The following CHRNA4 variants were observed in gnomAD, a reference collection of about 807,000 sequenced individuals.
The protein encoded by CHRNA4 is neuronal acetylcholine receptor subunit alpha-4.
In CHRNA4, 28 loss-of-function variants were observed where a neutral mutation model predicts 48.9. The ratio of observed to expected loss-of-function variants is 0.57; its 90% CI spans 0.42 to 0.79. The LOEUF (loss-of-function observed/expected upper bound fraction) is 0.79, where lower values mean the gene tolerates loss of function less well. Ranked by LOEUF, CHRNA4 falls within the 30% of genes least tolerant of loss-of-function variation. The pLI is 0.00. For synonymous variants in CHRNA4, 425 were observed against 402.3 expected, an observed-to-expected ratio of 1.06 and a Z score of -0.68; for missense variants, 859 against 898.4, an observed-to-expected ratio of 0.96 and a Z score of 0.56.
At chr20:63,360,709 C>G (rs891836421) in intron 1 of CHRNA4, among the ~76,000 whole-genome samples, 7 of 152,234 alleles carry the variant, frequency 4.6e-5, no homozygotes, top group Non-Finnish European at 1.0e-4. Context: ...CCCCTCTGAT[C>G]CCCTAAACCG....
chr20:63,356,027 T>C lies in CHRNA4; in HGVS notation c.331A>G (p.Ile111Val), dbSNP rs1329549592. The part of the protein sequence containing the change: ...DPADYENVTS[I>V]RIPSELIWRP... ...CAGATGAGCTCGGAGGGGATGCGGA[T>C]GGAGGTGACATTCTCATAGTCAGCT... The change falls in exon 4 of 6, where the codon ATC becomes GTC. Residue 111 changes from isoleucine to valine, a missense_variant. Physicochemically the swap from Ile to Val is conservative, Grantham distance 29. Coordinates refer to ENST00000370263, the MANE Select transcript of CHRNA4 (RefSeq NM_000744.7). 1 of 1,606,752 alleles carries C rather than the reference T, an allele frequency of 6.2e-7. No individual in the cohort carries two copies. The highest frequency in any genetic ancestry group is 8.5e-7 in the Non-Finnish European group (1 of 1,178,302).
At position 63,344,418 on chromosome 20, in the gene CHRNA4, T is replaced by TA; in HGVS notation, c.*2319dup. 2.2e-6 allele frequency: 1 copy of TA among 453,516 alleles called. No individual in the cohort carries two copies. The highest frequency in any genetic ancestry group is 4.4e-6 in the Non-Finnish European group (1 of 226,736). The allele number at this position is 453,516 out of a possible 1,614,324, so 28.1% of individuals were successfully genotyped here. A position where few individuals can be genotyped will look rare whatever the true frequency, so the allele number is the denominator to read the frequency against. ...TAATAAAAACAGCACTGGACGCAAA[T>TA]ACGCCAACATTGTTGTCAAGGTTAA... On this transcript the variant is annotated 3_prime_UTR_variant, in exon 6 of 6. Coordinates refer to ENST00000370263, the MANE Select transcript of CHRNA4 (RefSeq NM_000744.7). The surrounding 1 kb of genome is among the most constrained non-coding windows in gnomAD (Gnocchi z 4.5).
rs2229960 is a variant in CHRNA4 at position 63,350,184 on chromosome 20, A to G, written c.1227T>C (p.Cys409=). The change falls in exon 5 of 6, where the codon TGT becomes TGC. Residue 409 remains cysteine (C), a synonymous_variant. Transcript: ENST00000370263. ...QSLHPPSPSF[C]VPLDVPAEPG... The stretch of plus-strand genomic sequence containing the variant: ...GCTCAGCCGGCACATCCAGGGGGAC[A>G]CAGAAGGACGGTGAGGGCGGGTGCA... The G allele has an allele frequency of 0.94, 1,497,571 of 1,592,404 alleles. 707,657 individuals carry two copies. Among genetic ancestry groups the G allele is most frequent in the East Asian group, 1 (44,011 of 44,022 alleles).
At position 63,345,656 on chromosome 20, in the gene CHRNA4, G is replaced by A. The variant is rs2068479965; in HGVS notation, c.*1082C>T. 2.2e-6 allele frequency: 1 copy of A among 453,932 alleles called. No homozygotes were observed. Among genetic ancestry groups the A allele is most frequent in the South Asian group, 1.6e-5 (1 of 64,470 alleles). The allele number at this position is 453,932 out of a possible 1,614,324, so 28.1% of individuals were successfully genotyped here. A position where few individuals can be genotyped will look rare whatever the true frequency, so the allele number is the denominator to read the frequency against. On this transcript the variant is annotated 3_prime_UTR_variant, in exon 6 of 6. Transcript: ENST00000370263. The surrounding 1 kb of genome is among the most constrained non-coding windows in gnomAD (Gnocchi z 5.4). Reference sequence around the variant, plus strand: ...TCCCTGACTCCCATGAGGCTTCTCAGGGACTTCCTGCCCCGAGGGTCCCAG... The same window carrying A: ...TCCCTGACTCCCATGAGGCTTCTCAAGGACTTCCTGCCCCGAGGGTCCCAG...
In CHRNA4 at chr20:63,350,373, C is replaced by A; in HGVS notation, c.1038G>T (p.Arg346Ser). ...RTHTMPTWVR[R>S]VFLDIVPRLL... ...GGCGTGGCACGATGTCCAGGAAGAC[C>A]CTGCGTACCCAGGTGGGCATGGTGT... Residue 346 changes from arginine to serine, a missense_variant, in exon 5 of 6, where the codon AGG becomes AGT. Coordinates refer to ENST00000370263, the MANE Select transcript of CHRNA4 (RefSeq NM_000744.7). 1 of 1,613,752 alleles carries A rather than the reference C, an allele frequency of 6.2e-7. No individual in the cohort carries two copies. Among genetic ancestry groups the A allele is most frequent in the Non-Finnish European group, 8.5e-7 (1 of 1,180,026 alleles).
At chr20:63,359,072 G>T (rs1189214548) in intron 2 of CHRNA4, among the ~76,000 whole-genome samples, 2 of 151,662 alleles carry the variant, frequency 1.3e-5, no homozygotes, top group African/African-American at 4.8e-5. Flanking sequence ...AACAGACTTC[G>T]CCCAAGACTC....
At chr20:63,353,990 G>GTCTGTGGTCCTGGGGGT (rs1353305990) in intron 4 of CHRNA4, among the ~76,000 whole-genome samples, 1 of 69,372 alleles carries the variant, frequency 1.4e-5, no homozygotes, top group Non-Finnish European at 3.0e-5. Flanking sequence ...GTCCTGGGGG[G>GTCTGTGGTCCTGGGGGT]CTGTGGTCCT....
In CHRNA4 at chr20:63,350,856, G is replaced by T; in HGVS notation, c.555C>A (p.Asp185Glu). 6.2e-7 allele frequency: 1 copy of T among 1,614,034 alleles called. No individual in the cohort carries two copies. Among genetic ancestry groups the T allele is most frequent in the Non-Finnish European group, 8.5e-7 (1 of 1,180,028 alleles). The change falls in exon 5 of 6, where the codon GAC (aspartate) becomes GAA (glutamate). Residue 185 changes from aspartate to glutamate, a missense_variant. Physicochemically the swap from Asp to Glu is conservative, Grantham distance 45. Transcript: ENST00000370263. Reference protein sequence around the residue: ...CTMKFGSWTYDKAKIDLVNMH... With the variant: ...CTMKFGSWTYEKAKIDLVNMH... ...TGTTCACCAGGTCGATCTTGGCCTT[G>T]TCGTAGGTCCAGGAGCCGAATTTCA... is the stretch of plus-strand genomic sequence containing the variant.
chr20:63,357,210 T>G lies in CHRNA4; in HGVS notation c.229-795A>C, dbSNP rs60723929. ...ACAACCCACAGGACCACATCTCCACTGACCATGTCCCCACAGGACCACGTC... is the reference window on the plus strand; with the variant it reads ...ACAACCCACAGGACCACATCTCCACGGACCATGTCCCCACAGGACCACGTC... On this transcript the variant is annotated intron_variant, in intron 2 of 5. Transcript: ENST00000370263. Among the ~76,000 whole-genome samples, 361 of 50,444 alleles carry G rather than the reference T, an allele frequency of 7.2e-3. 3 individuals are homozygous for G. The highest frequency in any genetic ancestry group is 0.022 in the South Asian group (31 of 1,434). The allele number at this position is 50,444 out of a possible 152,430, so 33.1% of individuals were successfully genotyped here.
At position 63,350,864 on chromosome 20, in the gene CHRNA4, T is replaced by C; in HGVS notation, c.547A>G (p.Thr183Ala). 1 of 1,613,870 alleles carries C rather than the reference T, an allele frequency of 6.2e-7. No individual in the cohort carries two copies. The highest frequency in any genetic ancestry group is 8.5e-7 in the Non-Finnish European group (1 of 1,179,982). ...AGGTCGATCTTGGCCTTGTCGTAGGTCCAGGAGCCGAATTTCATGGTGCAG... is the reference window on the plus strand; with the variant it reads ...AGGTCGATCTTGGCCTTGTCGTAGGCCCAGGAGCCGAATTTCATGGTGCAG... Reference protein sequence around the residue: ...QNCTMKFGSWTYDKAKIDLVN... With the variant: ...QNCTMKFGSWAYDKAKIDLVN... Residue 183 changes from threonine (T) to alanine (A), a missense_variant, in exon 5 of 6, where the codon ACC becomes GCC. This residue lies in a region of CHRNA4 where 342 missense variants were observed against 365.3 expected (regional missense o/e 0.94). Transcript: ENST00000370263.
Position 63,356,378 on chromosome 20 carries a change from A to G in CHRNA4, c.266T>C (p.Val89Ala). Residue 89 changes from valine (V) to alanine (A), a missense_variant, in exon 3 of 6, where the codon GTG (valine) becomes GCG (alanine). Transcript: ENST00000370263. ...CAGTGCCCTCCCACTCACCTGCTTC[A>G]CCCATACGTTCGTGGTCATCATCTG... ...KNQMMTTNVW[V>A]KQEWHDYKLR... is the part of the protein sequence containing the mutation. 1 of 1,596,396 alleles carries G rather than the reference A, an allele frequency of 6.3e-7. No individual in the cohort carries two copies. The highest frequency in any genetic ancestry group is 1.1e-5 in the South Asian group (1 of 87,908).
intron 2 of CHRNA4, among the ~76,000 whole-genome samples, chr20:63,356,983 C>T (rs1248382715): frequency 1.6e-5 from 2 of 123,442 alleles, no homozygotes; most frequent in South Asian, 3.2e-4. Context: ...CACAGGACCA[C>T]GTCCCCACCG....
Position 63,350,412 on chromosome 20 carries a change from G to T in CHRNA4, c.999C>A (p.Arg333=). The change falls in exon 5 of 6, where the codon CGC becomes CGA. Residue 333 remains arginine, a synonymous_variant. Transcript: ENST00000370263. ...ITVFVLNVHH[R]SPRTHTMPTW... is the part of the protein sequence containing the mutation. The stretch of plus-strand genomic sequence containing the variant: ...TGGGCATGGTGTGCGTGCGTGGCGA[G>T]CGGTGGTGCACGTTGAGCACGAAGA... 1 of 1,613,964 alleles carries T rather than the reference G, an allele frequency of 6.2e-7. No homozygotes were observed. The highest frequency in any genetic ancestry group is 8.5e-7 in the Non-Finnish European group (1 of 1,180,038).
intron 4 of CHRNA4, chr20:63,355,366 C>T: frequency 2.0e-6 from 1 of 503,638 alleles, no homozygotes; most frequent in South Asian, 1.9e-5. Flanking sequence ...AGGAGCCTGA[C>T]ATGGGCTTGG....
At position 63,349,744 on chromosome 20, in the gene CHRNA4, G is replaced by A. The variant is rs77345643; in HGVS notation, c.1667C>T (p.Pro556Leu). The part of the protein sequence containing the change: ...VKTRSTKAPP[P>L]HLPLSPALTR... ...CAGGGCCGGCGACAGGGGCAGGTGCGGGGGCGGCGCTTTGGTGCTGCGGGT... is the reference window on the plus strand; with the variant it reads ...CAGGGCCGGCGACAGGGGCAGGTGCAGGGGCGGCGCTTTGGTGCTGCGGGT... The change falls in exon 5 of 6, where the codon CCG becomes CTG. Residue 556 changes from proline (P) to leucine (L), a missense_variant. Physicochemically the swap from Pro to Leu is moderately conservative, Grantham distance 98. This residue lies in a region of CHRNA4 where 478 missense variants were observed against 455.4 expected (regional missense o/e 1.05). Transcript: ENST00000370263. The A allele has an allele frequency of 1.5e-5, 24 of 1,612,330 alleles. No individual in the cohort carries two copies. Among genetic ancestry groups the A allele is most frequent in the Middle Eastern group, 1.6e-4 (1 of 6,062 alleles).
Position 63,351,012 on chromosome 20 carries a change from G to A in CHRNA4, c.399C>T (p.Phe133=), listed in dbSNP as rs766218638. The part of the protein sequence containing the change: ...IVLYNNADGD[F]AVTHLTKAHL... Reference sequence around the variant, plus strand: ...GGGCCTTGGTCAGGTGGGTGACCGCGAAGTCCCCGTCAGCACTGGGCAGGA... The same window carrying A: ...GGGCCTTGGTCAGGTGGGTGACCGCAAAGTCCCCGTCAGCACTGGGCAGGA... Residue 133 remains phenylalanine (F), a synonymous_variant, in exon 5 of 6, where the codon TTC becomes TTT. Coordinates refer to ENST00000370263, the MANE Select transcript of CHRNA4 (RefSeq NM_000744.7). The A allele has an allele frequency of 3.2e-5, 52 of 1,612,444 alleles. No individual in the cohort carries two copies. Among genetic ancestry groups the A allele is most frequent in the Non-Finnish European group, 3.7e-5 (44 of 1,179,804 alleles).
chr20:63,360,815 G>T (rs2068806975), intron 1 of CHRNA4, among the ~76,000 whole-genome samples: 2 of 152,224 alleles, frequency 1.3e-5, no homozygotes, highest in Non-Finnish European at 2.9e-5. Context: ...GAGCTTTTGG[G>T]GCCAGCCCTG....
chr20:63,343,820 G>A lies in CHRNA4; in HGVS notation c.*2918C>T, dbSNP rs1005199620. 14 of 454,040 alleles carry A rather than the reference G, an allele frequency of 3.1e-5. No individual in the cohort carries two copies. The highest frequency in any genetic ancestry group is 4.0e-5 in the African/African-American group (2 of 50,022). 28.1% of individuals were successfully genotyped at this position (454,040 alleles called of 1,614,324 possible). ...CGCTGCCTGGTGCCTGGCACAGGGC[G>A]GGGAAACGTTGGCTTAGTGTGAGAC... On this transcript the variant is annotated 3_prime_UTR_variant, in exon 6 of 6. Coordinates refer to ENST00000370263, the MANE Select transcript of CHRNA4 (RefSeq NM_000744.7).
chr20:63,350,264 G>A lies in CHRNA4; in HGVS notation c.1147C>T (p.Arg383Cys), dbSNP rs981343766. 6.8e-6 allele frequency: 11 copies of A among 1,611,220 alleles called. No individual in the cohort carries two copies. Among genetic ancestry groups the A allele is most frequent in the African/African-American group, 4.0e-5 (3 of 74,912 alleles). The change falls in exon 5 of 6, where the codon CGC becomes TGC. Residue 383 changes from arginine to cysteine, a missense_variant. Coordinates refer to ENST00000370263, the MANE Select transcript of CHRNA4 (RefSeq NM_000744.7). ...ESMHKMASAP[R>C]FWPEPEGEPP... ...TCCCCTTCTGGCTCGGGCCAGAAGC[G>A]CGGGGCACTGGCCATCTTATGCATG...
Sources: allele counts gnomAD v4.1 joint callset (sites outside exome capture counted in the v4.1 genomes callset), GRCh38; gene constraint gnomAD v4.1.1; regional missense constraint gnomAD v4.1.1; non-coding constraint Gnocchi (gnomAD v3.1); transcripts MANE v1.5; gene names NCBI Gene and HGNC (gene_info 2026-07-23, HGNC 2026-07-21).